FAM117B: variants seen among roughly 807,000 people sequenced by gnomAD.
FAM117B encodes the protein family with sequence similarity 117 member B.
A neutral mutation model predicts 52.8 loss-of-function variants in FAM117B; 22 were observed. The observed-to-expected ratio is 0.42, with a 90% CI of 0.30 to 0.59. FAM117B has a LOEUF of 0.59. Among genes scored for constraint, FAM117B ranks in the 20% least tolerant of loss-of-function variants. The pLI is 0.22. For synonymous variants in FAM117B, 309 were observed against 324.1 expected, an observed-to-expected ratio of 0.95 and a Z score of 0.50; for missense variants, 678 against 802.6, an observed-to-expected ratio of 0.84 and a Z score of 1.88.
Position 202,768,113 on chromosome 2 carries a change from A to G in FAM117B, c.*2349A>G, listed in dbSNP as rs77814958. On this transcript the variant is annotated 3_prime_UTR_variant, in exon 8 of 8. Coordinates refer to ENST00000392238, the MANE Select transcript of FAM117B (RefSeq NM_173511.4). ...AAAAAGAACTCTTGGTTTTTGGATGACTTGAATTCTGTTAAATCTGTGTTC... is the reference window on the plus strand; with the variant it reads ...AAAAAGAACTCTTGGTTTTTGGATGGCTTGAATTCTGTTAAATCTGTGTTC... 1 of 152,288 alleles carries G rather than the reference A, an allele frequency of 6.6e-6. No homozygotes were observed. The highest frequency in any genetic ancestry group is 1.5e-5 in the Non-Finnish European group (1 of 68,020). 9.4% of individuals were successfully genotyped at this position (152,288 alleles called of 1,614,324 possible).
At chr2:202,667,679 G>C (rs919416392) in intron 1 of FAM117B, among the ~76,000 whole-genome samples, 15 of 152,030 alleles carry the variant, frequency 9.9e-5, no homozygotes, top group African/African-American at 3.6e-4. Context: ...CCACTAGATA[G>C]TGTAGGGATC....
chr2:202,689,221 G>A (rs1690587026), intron 1 of FAM117B, among the ~76,000 whole-genome samples: 2 of 152,070 alleles, frequency 1.3e-5, no homozygotes, highest in Admixed American at 6.5e-5. Flanking sequence ...TGGGTGGATC[G>A]CTTGAGCTCA....
chr2:202,666,368 T>C lies in FAM117B; in HGVS notation c.602-29513T>C, dbSNP rs544371462. ...TGAAGTTTGCATTGGAAAAATACTT[T>C]GGTAAAATGTTTATTGGTGTTACAC... On this transcript the variant is annotated intron_variant, in intron 1 of 7. Transcript: ENST00000392238. Among the ~76,000 whole-genome samples, 7 of 152,064 alleles carry C rather than the reference T, an allele frequency of 4.6e-5. No homozygotes were observed. The South Asian group carries it at 6.3e-4, about 14-fold the overall frequency.
Position 202,715,296 on chromosome 2 carries a change from C to T in FAM117B, c.754-9621C>T, listed in dbSNP as rs1439531895. 2.9e-4 allele frequency among the ~76,000 whole-genome samples: 44 copies of T among 149,960 alleles called. 1 individual carries two copies. Among genetic ancestry groups the T allele is most frequent in the African/African-American group, 1.1e-3 (43 of 40,596 alleles). On this transcript the variant is annotated intron_variant, in intron 2 of 7. Coordinates refer to ENST00000392238, the MANE Select transcript of FAM117B (RefSeq NM_173511.4). ...CTCCGGGACGGGGCGGCTGGCCTGG[C>T]GGGGGCTGACCCCCACCTCCCTCCC...
chr2:202,662,119 GGT>G (rs35842700), intron 1 of FAM117B, among the ~76,000 whole-genome samples: 12,270 of 149,526 alleles, frequency 0.082, 1,618 homozygotes, highest in African/African-American at 0.28. Context: ...ATGTGAGGTA[GGT>G]GTGTGTGTGT....
rs549552711 is a variant in FAM117B at position 202,652,878 on chromosome 2, C to A, written c.601+17090C>A. On this transcript the variant is annotated intron_variant, in intron 1 of 7. Coordinates refer to ENST00000392238, the MANE Select transcript of FAM117B (RefSeq NM_173511.4). Reference sequence around the variant, plus strand: ...CTTTTTTACCCGTAAATCTCAGTAACCTGCAGTCCAGAAAGGGAGAACTTG... The same window carrying A: ...CTTTTTTACCCGTAAATCTCAGTAAACTGCAGTCCAGAAAGGGAGAACTTG... 4.6e-5 allele frequency among the ~76,000 whole-genome samples: 7 copies of A among 152,244 alleles called. No individual in the cohort carries two copies. In the East Asian group the frequency reaches 1.4e-3, roughly 29 times the overall value.
intron 2 of FAM117B, among the ~76,000 whole-genome samples, chr2:202,702,320 G>C (rs891665464): frequency 1.3e-5 from 2 of 152,008 alleles, no homozygotes; most frequent in African/African-American, 4.8e-5. Context: ...GAACCCGGGA[G>C]GCAGAGGTTG....
chr2:202,676,135 T>C (rs949461238), intron 1 of FAM117B, among the ~76,000 whole-genome samples: 12 of 152,116 alleles, frequency 7.9e-5, no homozygotes, highest in Non-Finnish European at 1.5e-4. Context: ...TATATAGTCT[T>C]GTAGAGAGGC....
intron 5 of FAM117B, among the ~76,000 whole-genome samples, chr2:202,756,118 A>G (rs1691797350): frequency 6.6e-6 from 1 of 152,214 alleles, no homozygotes; most frequent in African/African-American, 2.4e-5. Context: ...ATCATAAAGT[A>G]CATTTAGAAA....
At chr2:202,722,148 T>C (rs1422249155) in intron 2 of FAM117B, among the ~76,000 whole-genome samples, 3 of 151,514 alleles carry the variant, frequency 2.0e-5, no homozygotes, top group Non-Finnish European at 4.4e-5. Context: ...GCAGCTGGGA[T>C]TACACGTGCC....
intron 1 of FAM117B, among the ~76,000 whole-genome samples, chr2:202,668,919 A>G (rs909093474): frequency 2.0e-5 from 3 of 152,178 alleles, no homozygotes; most frequent in African/African-American, 7.2e-5. Context: ...CCATGTTTTT[A>G]AAGTCTTCTC....
At chr2:202,693,622 A>G (rs920708369) in intron 1 of FAM117B, among the ~76,000 whole-genome samples, 1 of 152,194 alleles carries the variant, frequency 6.6e-6, no homozygotes, top group Non-Finnish European at 1.5e-5. Flanking sequence ...AAACACTTTT[A>G]TGCACATCTA....
At chr2:202,635,918 TGCCGGGCGGTG>T (rs1430663911) in intron 1 of FAM117B, 130 bp downstream of exon 1, 46 of 882,070 alleles carry the variant, frequency 5.2e-5, no homozygotes, top group Non-Finnish European at 6.1e-5. Flanking sequence ...CTGGGGGCGG[TGCCGGGCGGTG>T]GGGGACCCGG....
intron 1 of FAM117B, among the ~76,000 whole-genome samples, chr2:202,639,986 T>A (rs1373936377): frequency 1.3e-5 from 2 of 151,842 alleles, no homozygotes; most frequent in Admixed American, 1.3e-4. Context: ...TAAAAAAAAT[T>A]TGGTCGGGCA....
chr2:202,741,416 C>CAAAAA lies in FAM117B; in HGVS notation c.961-14096_961-14092dup, dbSNP rs1156278814. ...CTGGTGACAGAGCAAGACTCTGTCT[C>CAAAAA]AAAAAAAAAAAAAAAAAAAAAAAAA... is the stretch of plus-strand genomic sequence containing the variant. On this transcript the variant is annotated intron_variant, in intron 4 of 7. Transcript: ENST00000392238. Among the ~76,000 whole-genome samples the CAAAAA allele has an allele frequency of 1.3e-3, 46 of 34,966 alleles. 5 individuals carry two copies. The highest frequency in any genetic ancestry group is 2.1e-3 in the South Asian group (1 of 466). 22.9% of individuals were successfully genotyped at this position (34,966 alleles called of 152,430 possible). A position where few individuals can be genotyped will look rare whatever the true frequency, so the allele number is the denominator to read the frequency against.
chr2:202,699,426 C>CAAAAAAAAAAAAAA (rs751190825), intron 2 of FAM117B, among the ~76,000 whole-genome samples: 40 of 17,854 alleles, frequency 2.2e-3, no homozygotes, highest in Non-Finnish European at 2.5e-3. Flanking sequence ...GACCCCATCT[C>CAAAAAAAAAAAAAA]AAAAAAAAAA....
intron 2 of FAM117B, 28 bp downstream of exon 2, chr2:202,696,060 A>T: frequency 6.2e-7 from 1 of 1,604,256 alleles, no homozygotes; most frequent in South Asian, 1.1e-5. Context: ...CTTATCCTGA[A>T]GTGTTTTTCT....
intron 1 of FAM117B, among the ~76,000 whole-genome samples, chr2:202,690,658 G>A (rs1559103002): frequency 1.3e-5 from 2 of 152,164 alleles, no homozygotes; most frequent in African/African-American, 4.8e-5. Context: ...AGGCATGTAA[G>A]GGCACAGTAC....
chr2:202,669,272 G>A (rs909163884), intron 1 of FAM117B, among the ~76,000 whole-genome samples: 6 of 152,124 alleles, frequency 3.9e-5, no homozygotes, highest in Admixed American at 2.0e-4. Context: ...AATTAAAACA[G>A]CAGTGATTCT....
Sources: allele counts gnomAD v4.1 joint callset (sites outside exome capture counted in the v4.1 genomes callset), GRCh38; gene constraint gnomAD v4.1.1; transcripts MANE v1.5; gene names NCBI Gene and HGNC (gene_info 2026-07-23, HGNC 2026-07-21).